Variants in ZNF385D observed in about 807,000 individuals in gnomAD.
ZNF385D encodes the protein zinc finger protein 385D.
In ZNF385D, 15 loss-of-function variants were observed where a neutral mutation model predicts 35.8. The observed-to-expected ratio is 0.42, with a 90% CI of 0.28 to 0.64. The LOEUF (loss-of-function observed/expected upper bound fraction) is 0.64. Among genes scored for constraint, ZNF385D ranks in the 30% least tolerant of loss-of-function variants. The pLI is 0.23. For missense variants in ZNF385D, 474 were observed against 494.6 expected, an observed-to-expected ratio of 0.96 and a Z score of 0.39; for synonymous variants, 212 against 186.8, an observed-to-expected ratio of 1.13 and a Z score of -1.10.
At chr3:22,227,729 C>A (rs1698646113) in intron 2 of ZNF385D, among the ~76,000 whole-genome samples, 1 of 152,162 alleles carries the variant, frequency 6.6e-6, no homozygotes, top group Non-Finnish European at 1.5e-5. Context: ...AAGTTACCAA[C>A]CCTTTTCATG....
chr3:21,696,860 T>G (rs1322042777), intron 1 of ZNF385D, among the ~76,000 whole-genome samples: 1 of 152,228 alleles, frequency 6.6e-6, no homozygotes, highest in Non-Finnish European at 1.5e-5. Flanking sequence ...CTGAATTGGT[T>G]TTCTCTGGCT....
chr3:21,787,515 A>T (rs2071742594), intron 3 of ZNF385D, among the ~76,000 whole-genome samples: 3 of 152,068 alleles, frequency 2.0e-5, no homozygotes, highest in African/African-American at 7.2e-5. Context: ...ACACTGTCCT[A>T]TGGAAGAGTA....
At chr3:21,724,497 A>C (rs1434498602) in intron 1 of ZNF385D, among the ~76,000 whole-genome samples, 1 of 98,406 alleles carries the variant, frequency 1.0e-5, no homozygotes, top group African/African-American at 3.0e-5. Flanking sequence ...AAAAAAAAAA[A>C]AAAAAAAAAA....
chr3:21,837,160 C>G (rs1695380919), intron 3 of ZNF385D, among the ~76,000 whole-genome samples: 1 of 152,100 alleles, frequency 6.6e-6, no homozygotes, highest in African/African-American at 2.4e-5. Context: ...CCAAATTTCT[C>G]TCTACAGGCC....
At chr3:22,216,363 T>C (rs1309843334) in intron 2 of ZNF385D, among the ~76,000 whole-genome samples, 1 of 152,086 alleles carries the variant, frequency 6.6e-6, no homozygotes, top group Non-Finnish European at 1.5e-5. Flanking sequence ...ATGGATAAAT[T>C]GCTATGGGAA....
At chr3:22,357,559 T>C (rs147188618) in intron 2 of ZNF385D, among the ~76,000 whole-genome samples, 1 of 152,040 alleles carries the variant, frequency 6.6e-6, no homozygotes, top group African/African-American at 2.4e-5. Flanking sequence ...AGTCAGGATA[T>C]GCTAGGTTAT....
chr3:21,873,212 G>T (rs929973233), intron 3 of ZNF385D, among the ~76,000 whole-genome samples: 2 of 152,132 alleles, frequency 1.3e-5, no homozygotes, highest in African/African-American at 4.8e-5. Context: ...AAGTGTATAA[G>T]TGTGTTCATG....
At chr3:21,858,832 CATT>C (rs1228112012) in intron 3 of ZNF385D, among the ~76,000 whole-genome samples, 1 of 152,062 alleles carries the variant, frequency 6.6e-6, no homozygotes, top group Non-Finnish European at 1.5e-5. Context: ...TGGATTGCAT[CATT>C]AATTCAATAT....
At chr3:21,564,285 G>A (rs149408161) in intron 3 of ZNF385D, among the ~76,000 whole-genome samples, 2 of 152,000 alleles carry the variant, frequency 1.3e-5, no homozygotes. Context: ...CAAAGGCAAA[G>A]TGTATTATCT....
intron 3 of ZNF385D, among the ~76,000 whole-genome samples, chr3:21,554,970 C>G (rs1275659755): frequency 6.6e-6 from 1 of 152,174 alleles, no homozygotes; most frequent in Non-Finnish European, 1.5e-5. Context: ...TTCTCCATAT[C>G]AAACATAAGG....
intron 3 of ZNF385D, among the ~76,000 whole-genome samples, chr3:22,064,663 AC>A (rs1699841261): frequency 6.6e-6 from 1 of 152,192 alleles, no homozygotes; most frequent in Non-Finnish European, 1.5e-5. Flanking sequence ...GGAGGACCTT[AC>A]GCTAAGTGAA....
intron 3 of ZNF385D, among the ~76,000 whole-genome samples, chr3:22,088,780 C>T (rs879437299): frequency 6.6e-6 from 1 of 152,086 alleles, no homozygotes; most frequent in Non-Finnish European, 1.5e-5. Flanking sequence ...AACCAGACAA[C>T]ACTGCAGTAA....
intron 2 of ZNF385D, among the ~76,000 whole-genome samples, chr3:22,179,586 C>T (rs143965130): frequency 0.091 from 13,786 of 152,166 alleles, 780 homozygotes; most frequent in Middle Eastern, 0.22. Flanking sequence ...ATTTCCTTCT[C>T]CTGCCTGATT....
intron 6 of ZNF385D, among the ~76,000 whole-genome samples, chr3:21,424,689 CT>C (rs58781852): frequency 0.075 from 9,438 of 125,046 alleles, 173 homozygotes; most frequent in African/African-American, 0.11. Context: ...ACACACATCT[CT>C]TTTTTTTTTT....
intron 2 of ZNF385D, among the ~76,000 whole-genome samples, chr3:22,356,691 T>G (rs1042395195): frequency 6.6e-6 from 1 of 151,898 alleles, no homozygotes; most frequent in East Asian, 1.9e-4. Context: ...GAGATGGCAA[T>G]AGAGGAATCG....
At chr3:22,261,995 G>T (rs1383270892) in intron 2 of ZNF385D, among the ~76,000 whole-genome samples, 1 of 151,788 alleles carries the variant, frequency 6.6e-6, no homozygotes, top group East Asian at 1.9e-4. Flanking sequence ...AAGCCTGACT[G>T]GTAGAAATAG....
At chr3:21,742,055 T>C (rs1173074109) in intron 1 of ZNF385D, among the ~76,000 whole-genome samples, 2 of 148,090 alleles carry the variant, frequency 1.4e-5, no homozygotes, top group African/African-American at 5.0e-5. Context: ...TCCAAGTTGT[T>C]ATTTTTCAAA....
intron 2 of ZNF385D, among the ~76,000 whole-genome samples, chr3:21,658,803 T>A (rs947926846): frequency 6.6e-6 from 1 of 152,042 alleles, no homozygotes; most frequent in Non-Finnish European, 1.5e-5. Flanking sequence ...GCATTTACTT[T>A]TAAAGAACTT....
intron 2 of ZNF385D, among the ~76,000 whole-genome samples, chr3:21,653,271 T>G (rs2065972327): frequency 6.6e-6 from 1 of 152,176 alleles, no homozygotes; most frequent in Non-Finnish European, 1.5e-5. Context: ...TAATTAGATC[T>G]TAACATGTGT....
Sources: gnomAD v4.1 joint callset for allele counts (sites outside exome capture counted in the v4.1 genomes callset) on GRCh38, gnomAD v4.1.1 for gene constraint, MANE v1.5 for transcripts, NCBI Gene and HGNC (gene_info 2026-07-23, HGNC 2026-07-21) for gene names.